KIF12: variants seen among roughly 807,000 people sequenced by gnomAD.
The protein encoded by KIF12 is kinesin-like protein KIF12.
In KIF12, 80 loss-of-function variants were observed where a neutral mutation model predicts 87.9. The ratio of observed to expected loss-of-function variants is 0.91; its 90% CI spans 0.76 to 1.10. The LOEUF (loss-of-function observed/expected upper bound fraction) is 1.10, where lower values mean the gene tolerates loss of function less well. Among genes scored for constraint, KIF12 ranks in the 50% least tolerant of loss-of-function variants. The probability of loss-of-function intolerance (pLI) is 0.00; values close to 1 mark genes in which losing one functional copy is unlikely to be tolerated. For missense variants in KIF12, 819 were observed against 865.3 expected (o/e 0.95, Z 0.67); for synonymous variants, 353 against 348.5 (o/e 1.01, Z -0.14).
At position 114,094,183 on chromosome 9, in the gene KIF12, G is replaced by A; in HGVS notation, c.1311C>T (p.Leu437=). The A allele has an allele frequency of 6.2e-7, 1 of 1,613,238 alleles. No homozygotes were observed. Among genetic ancestry groups the A allele is most frequent in the Non-Finnish European group, 8.5e-7 (1 of 1,179,558 alleles). Residue 437 remains leucine, a splice_region_variant and synonymous_variant, in exon 13 of 19, where the codon CTC becomes CTT. Coordinates refer to ENST00000640217, the MANE Select transcript of KIF12 (RefSeq NM_001388308.1). ...TCTGGCTGTGGGCTGTGCCCTACCT[G>A]AGCCTCTCATTCTCTAGCATGAACT... The part of the protein sequence containing the change: ...LQEFMLENER[L]RKEKSQLQNS...
In KIF12 at chr9:114,098,342, C is replaced by T. The variant is rs1198516565; in HGVS notation, c.259G>A (p.Ala87Thr). ...TCCCCCAGGCGCCGCACGCCGCACG[C>T]CCGGAACACGTCCTCCTGCGTGCGC... Reference protein sequence around the residue: ...AARTQEDVFRACGVRRLGELA... With the variant: ...AARTQEDVFRTCGVRRLGELA... Residue 87 changes from alanine (A) to threonine (T), a missense_variant, in exon 4 of 19, where the codon GCG becomes ACG. Physicochemically the swap from Ala to Thr is moderately conservative, Grantham distance 58. Coordinates refer to ENST00000640217, the MANE Select transcript of KIF12 (RefSeq NM_001388308.1). The T allele has an allele frequency of 1.3e-6, 2 of 1,490,452 alleles. No homozygotes were observed. The highest frequency in any genetic ancestry group is 2.8e-5 in the East Asian group (1 of 35,606). 92.3% of individuals were successfully genotyped at this position (1,490,452 alleles called of 1,614,324 possible).
intron 16 of KIF12, 22 bp downstream of exon 16, chr9:114,093,207 C>T (rs1295375433): frequency 1.3e-6 from 2 of 1,535,086 alleles, no homozygotes; most frequent in East Asian, 4.9e-5. Flanking sequence ...CCTTCCCTCA[C>T]TCCCACCATG....
chr9:114,095,319 G>A lies in KIF12; in HGVS notation c.909C>T (p.Ser303=), dbSNP rs1847177593. ...GCTTCCGCTGTGGGTCCAGCAGCAG[G>A]GAGATGCAGTGACCTGGGGAGGGAG... The part of the protein sequence containing the change: ...RSLLALGHCI[S]LLLDPQRKQS... Residue 303 remains serine, a synonymous_variant, in exon 10 of 19, where the codon TCC becomes TCT. Coordinates refer to ENST00000640217, the MANE Select transcript of KIF12 (RefSeq NM_001388308.1). 2 of 1,613,314 alleles carry A rather than the reference G, an allele frequency of 1.2e-6. No homozygotes were observed. The highest frequency in any genetic ancestry group is 2.7e-5 in the African/African-American group (2 of 74,940).
At chr9:114,092,502 A>G in intron 17 of KIF12, 40 bp downstream of exon 17, 1 of 1,613,232 alleles carries the variant, frequency 6.2e-7, no homozygotes, top group Admixed American at 1.7e-5. Flanking sequence ...AGTTCCCCAG[A>G]CCACCCCTCT....
chr9:114,098,230 C>T, intron 4 of KIF12, 40 bp from the exon 5 acceptor site: 1 of 1,520,324 alleles, frequency 6.6e-7, no homozygotes, highest in South Asian at 1.2e-5. Flanking sequence ...CGGCGGCTAC[C>T]CGGGGTGGGG....
At position 114,099,008 on chromosome 9, in the gene KIF12, C is replaced by T; in HGVS notation, c.98G>A (p.Arg33His). The T allele has an allele frequency of 1.9e-6, 3 of 1,550,312 alleles. No individual in the cohort carries two copies. Among genetic ancestry groups the T allele is most frequent in the Non-Finnish European group, 2.6e-6 (3 of 1,146,842 alleles). Residue 33 changes from arginine to histidine, a missense_variant, in exon 3 of 19, where the codon CGT becomes CAT. Coordinates refer to ENST00000640217, the MANE Select transcript of KIF12 (RefSeq NM_001388308.1). ...ETPIQVVLRV[R>H]PMSAAELRRG... is the part of the protein sequence containing the mutation. ...ACGCAGCTCGGCCGCGCTCATGGGA[C>T]GTACCCTGGGGTCCGACAGAAGGGC...
At position 114,095,126 on chromosome 9, in the gene KIF12, A is replaced by C. The variant is rs1847165218; in HGVS notation, c.1016T>G (p.Val339Gly). 3 of 1,606,350 alleles carry C rather than the reference A, an allele frequency of 1.9e-6. No homozygotes were observed. Among genetic ancestry groups the C allele is most frequent in the African/African-American group, 2.7e-5 (2 of 74,956 alleles). The stretch of plus-strand genomic sequence containing the variant: ...CTGGGCTGAGGGGGACACGCAGGCC[A>C]CCTGGGGAGTGCACTCCCCCTGAGC... Reference protein sequence around the residue: ...SLGGRGVTLMVACVSPSAQCL... With the variant: ...SLGGRGVTLMGACVSPSAQCL... The change falls in exon 11 of 19, where the codon GTG becomes GGG. Residue 339 changes from valine to glycine, a missense_variant and splice_region_variant. Val to Gly is a moderately radical substitution (Grantham distance 109, BLOSUM62 -3). Coordinates refer to ENST00000640217, the MANE Select transcript of KIF12 (RefSeq NM_001388308.1).
intron 7 of KIF12, 51 bp from the exon 8 acceptor site, chr9:114,096,529 C>A (rs1847238578): frequency 6.9e-7 from 1 of 1,441,688 alleles, no homozygotes; most frequent in Non-Finnish European, 9.6e-7. Context: ...AACAGGTCAT[C>A]ATCAATGAAG....
At position 114,097,610 on chromosome 9, in the gene KIF12, C is replaced by T. The variant is rs972399688; in HGVS notation, c.507G>A (p.Glu169=). 2 of 1,613,978 alleles carry T rather than the reference C, an allele frequency of 1.2e-6. No individual in the cohort carries two copies. The highest frequency in any genetic ancestry group is 1.7e-6 in the Non-Finnish European group (2 of 1,179,996). The change falls in exon 6 of 19, where the codon GAG becomes GAA. Residue 169 remains glutamate, a synonymous_variant. Coordinates refer to ENST00000640217, the MANE Select transcript of KIF12 (RefSeq NM_001388308.1). ...LRASYLEIYN[E]QVRDLLSLGS... ...TCTATTCCTCTCATTCCCTTACCTGCTCATTGTAGATCTCCAGATAAGAGG... is the reference window on the plus strand; with the variant it reads ...TCTATTCCTCTCATTCCCTTACCTGTTCATTGTAGATCTCCAGATAAGAGG...
At chr9:114,098,269 C>T in intron 4 of KIF12, 33 bp downstream of exon 4, 1 of 1,504,976 alleles carries the variant, frequency 6.6e-7, no homozygotes, top group Non-Finnish European at 8.8e-7. Context: ...CCCCGCCAGG[C>T]CCGGCGCGGA....
intron 2 of KIF12, 44 bp downstream of exon 2, chr9:114,099,060 G>C: frequency 6.4e-7 from 1 of 1,550,434 alleles, no homozygotes; most frequent in South Asian, 1.2e-5. Context: ...TGTCTTCCTC[G>C]ATCCTTGTCT....
rs909804009 is a variant in KIF12 at position 114,098,139 on chromosome 9, G to A, written c.351C>T (p.Tyr117=). ...TFGQTGSGKT[Y]TLTGPPPQGE... The stretch of plus-strand genomic sequence containing the variant: ...CCTGGGGAGGGGGTCCAGTCAGGGT[G>A]TAGGTCTTCCCAGAGCCCGTCTGGC... The change falls in exon 5 of 19, where the codon TAC becomes TAT. Residue 117 remains tyrosine, a synonymous_variant. Coordinates refer to ENST00000640217, the MANE Select transcript of KIF12 (RefSeq NM_001388308.1). 5.2e-6 allele frequency: 8 copies of A among 1,548,246 alleles called. No individual in the cohort carries two copies. In the African/African-American group the frequency reaches 5.5e-5, roughly 11 times the overall value.
chr9:114,098,468 G>C, intron 3 of KIF12, 39 bp from the exon 4 acceptor site: 2 of 1,454,034 alleles, frequency 1.4e-6, no homozygotes, highest in Non-Finnish European at 1.8e-6. Flanking sequence ...CACTCTGGAG[G>C]AGGGCGGGGC....
intron 18 of KIF12, 165 bp from the exon 19 acceptor site, chr9:114,092,165 G>A (rs1439369146): frequency 8.7e-6 from 12 of 1,371,472 alleles, no homozygotes; most frequent in East Asian, 5.8e-5. Context: ...ATCTGGGCAC[G>A]CAGATGCTCC....
chr9:114,092,949 GA>G (rs1847056127), intron 16 of KIF12: 2 of 1,424,246 alleles, frequency 1.4e-6, no homozygotes, highest in Non-Finnish European at 1.8e-6. Flanking sequence ...AGGAGTAAGT[GA>G]ATGTATGATT....
chr9:114,098,079 C>T, intron 5 of KIF12, 36 bp downstream of exon 5: 1 of 1,537,680 alleles, frequency 6.5e-7, no homozygotes, highest in Non-Finnish European at 8.8e-7. Context: ...GCCCACCCAG[C>T]CCCGCCCCGC....
At chr9:114,097,915 A>G (rs761950857) in intron 5 of KIF12, 174 bp from the exon 6 acceptor site, 26 of 974,770 alleles carry the variant, frequency 2.7e-5, no homozygotes, top group Non-Finnish European at 3.6e-5. Flanking sequence ...AGAGCTAGGA[A>G]GGGGCCAAAG....
At position 114,094,392 on chromosome 9, in the gene KIF12, G is replaced by A. The variant is rs547922910; in HGVS notation, c.1183C>T (p.Arg395Cys). 4.6e-5 allele frequency: 74 copies of A among 1,614,006 alleles called. No individual in the cohort carries two copies. The highest frequency in any genetic ancestry group is 1.0e-4 in the Admixed American group (6 of 60,026). ...TGGTCCAGCTGGAACTGCAGGCGACGGTTCTCCTCCTGGAGCTGCAGCATC... is the reference window on the plus strand; with the variant it reads ...TGGTCCAGCTGGAACTGCAGGCGACAGTTCTCCTCCTGGAGCTGCAGCATC... ...TEMLQLQEEN[R>C]RLQFQLDQMD... The change falls in exon 12 of 19, where the codon CGT becomes TGT. Residue 395 changes from arginine (R) to cysteine (C), a missense_variant. Transcript: ENST00000640217.
rs148793055 is a variant in KIF12, at chr9:114,094,375, C to T, written c.1200G>A (p.Gln400=). The T allele has an allele frequency of 6.2e-7, 1 of 1,613,788 alleles. No homozygotes were observed. The highest frequency in any genetic ancestry group is 8.5e-7 in the Non-Finnish European group (1 of 1,179,696). The stretch of plus-strand genomic sequence containing the variant: ...TACCCTTGCAGTCCATTTGGTCCAG[C>T]TGGAACTGCAGGCGACGGTTCTCCT... The part of the protein sequence containing the change: ...LQEENRRLQF[Q]LDQMDCKASG... The change falls in exon 12 of 19, where the codon CAG becomes CAA. Residue 400 remains glutamine (Q), a synonymous_variant. Transcript: ENST00000640217.
Sources: allele counts gnomAD v4.1 joint callset, GRCh38; gene constraint gnomAD v4.1.1; transcripts MANE v1.5; gene names NCBI Gene and HGNC (gene_info 2026-07-23, HGNC 2026-07-21).